CIRSR: variants seen among roughly 807,000 people sequenced by gnomAD.
CIRSR encodes the protein corepressor of RBPJ and splicing regulator.
chr2:174,370,910 CAAAA>C, the CIRSR span, among the ~76,000 whole-genome samples: 1 of 128,674 alleles, frequency 7.8e-6, no homozygotes, highest in Admixed American at 7.9e-5. Context: ...GACTCCGTCT[CAAAA>C]AAAAAAAAAA....
chr2:174,361,311 A>C, the CIRSR span, among the ~76,000 whole-genome samples: 1 of 152,218 alleles, frequency 6.6e-6, no homozygotes, highest in Non-Finnish European at 1.5e-5. Context: ...TCCTGGTAGG[A>C]CTTCACCTCT....
At chr2:174,384,821 T>C in the CIRSR span, among the ~76,000 whole-genome samples, 1 of 152,252 alleles carries the variant, frequency 6.6e-6, no homozygotes, top group African/African-American at 2.4e-5. Context: ...GGTAAAGGTA[T>C]AATATTGGTA....
At chr2:174,380,719 A>T in the CIRSR span, 40 of 1,611,948 alleles carry the variant, frequency 2.5e-5, no homozygotes, top group Admixed American at 5.5e-4. Context: ...CTTCTTTCTA[A>T]AAACATTCAT....
chr2:174,368,140 C>A, the CIRSR span, among the ~76,000 whole-genome samples: 13 of 152,242 alleles, frequency 8.5e-5, no homozygotes, highest in Non-Finnish European at 1.8e-4. Context: ...GATGTCAACA[C>A]CCCTCTATCA....
the CIRSR span, chr2:174,349,310 T>A: frequency 1.8e-6 from 1 of 552,162 alleles, no homozygotes; most frequent in Non-Finnish European, 3.0e-6. Flanking sequence ...CTCATACCTG[T>A]AATCCCAGCA....
the CIRSR span, among the ~76,000 whole-genome samples, chr2:174,372,660 G>A: frequency 3.2e-4 from 49 of 151,714 alleles, no homozygotes; most frequent in Admixed American, 9.2e-4. Flanking sequence ...TCAGCTCACC[G>A]CAACCTCTGC....
chr2:174,373,329 G>A, the CIRSR span, among the ~76,000 whole-genome samples: 1 of 152,162 alleles, frequency 6.6e-6, no homozygotes, highest in Non-Finnish European at 1.5e-5. Context: ...AATTCAGTCG[G>A]CTAGTTATTT....
the CIRSR span, chr2:174,381,704 C>T: frequency 6.3e-7 from 1 of 1,579,144 alleles, no homozygotes; most frequent in Non-Finnish European, 8.6e-7. Flanking sequence ...AGATAAGTAC[C>T]TTTTTTAGCT....
chr2:174,378,630 T>C, the CIRSR span: 2 of 351,440 alleles, frequency 5.7e-6, no homozygotes, highest in Admixed American at 9.2e-5. Context: ...TTTCCTTCCA[T>C]TTTTAGGCTA....
At chr2:174,367,216 C>CAG in the CIRSR span, among the ~76,000 whole-genome samples, 1 of 152,130 alleles carries the variant, frequency 6.6e-6, no homozygotes, top group South Asian at 2.1e-4. Flanking sequence ...GAGGCCAAGA[C>CAG]AGGAGGCCAG....
chr2:174,377,884 G>A, the CIRSR span, among the ~76,000 whole-genome samples: 8 of 147,488 alleles, frequency 5.4e-5, no homozygotes, highest in African/African-American at 2.0e-4. Context: ...CCCCTAATAG[G>A]AGAACTGGCA....
At chr2:174,383,807 C>G in the CIRSR span, among the ~76,000 whole-genome samples, 1 of 139,838 alleles carries the variant, frequency 7.2e-6, no homozygotes, top group Non-Finnish European at 1.5e-5. Context: ...AAATCAAAAT[C>G]ACAATGAGAT....
At chr2:174,357,684 G>C in the CIRSR span, among the ~76,000 whole-genome samples, 1 of 152,118 alleles carries the variant, frequency 6.6e-6, no homozygotes, top group Non-Finnish European at 1.5e-5. Context: ...GGAGATATGT[G>C]TCTAATGGGA....
the CIRSR span, among the ~76,000 whole-genome samples, chr2:174,358,869 C>T: frequency 3.5e-3 from 535 of 152,200 alleles, 2 homozygotes; most frequent in Middle Eastern, 0.02. Flanking sequence ...CACGCCACCA[C>T]GCCCAGCTAA....
the CIRSR span, among the ~76,000 whole-genome samples, chr2:174,354,243 A>C: frequency 6.6e-6 from 1 of 150,378 alleles, no homozygotes; most frequent in Admixed American, 6.8e-5. Flanking sequence ...TATGACTGTA[A>C]ATAGAGTGCT....
chr2:174,381,648 C>T, the CIRSR span: 1 of 1,371,082 alleles, frequency 7.3e-7, no homozygotes, highest in Non-Finnish European at 1.0e-6. Context: ...CAGGGCAAGA[C>T]TGTGCCTCAG....
the CIRSR span, among the ~76,000 whole-genome samples, chr2:174,359,569 G>A: frequency 6.6e-6 from 1 of 152,130 alleles, no homozygotes; most frequent in African/African-American, 2.4e-5. Context: ...AACAGGTGCT[G>A]GAGAGGATGT....
At chr2:174,356,533 A>AGGAAGGAAGGAAGGAAGGAAGGAC in the CIRSR span, among the ~76,000 whole-genome samples, 2 of 148,212 alleles carry the variant, frequency 1.3e-5, no homozygotes, top group Admixed American at 6.8e-5. Flanking sequence ...GAAAGAAGAA[A>AGGAAGGAAGGAAGGAAGGAAGGAC]GGAAGGAAGG....
the CIRSR span, chr2:174,395,548 C>T: frequency 1.9e-6 from 3 of 1,614,086 alleles, no homozygotes; most frequent in East Asian, 6.7e-5. Flanking sequence ...TCTGTTTACT[C>T]ACTTTTTTGA....
Sources: gnomAD v4.1 joint callset for allele counts (sites outside exome capture counted in the v4.1 genomes callset) on GRCh38, gnomAD v4.1.1 for gene constraint, MANE v1.5 for transcripts, NCBI Gene and HGNC (gene_info 2026-07-23, HGNC 2026-07-21) for gene names.